USP40: variants seen among roughly 807,000 people sequenced by gnomAD.
The protein encoded by USP40 is ubiquitin carboxyl-terminal hydrolase 40.
In USP40, 143 loss-of-function variants were observed where a neutral mutation model predicts 166.2. The observed-to-expected ratio is 0.86, with a 90% CI of 0.75 to 0.99. The LOEUF is 0.99. Ranked by LOEUF, USP40 falls within the 50% of genes least tolerant of loss-of-function variation. The pLI, the probability that USP40 is intolerant of heterozygous loss-of-function variation, is 0.00. For synonymous variants in USP40, 498 were observed against 524.0 expected (o/e 0.95, Z 0.68); for missense variants, 1,444 against 1,479.7 (o/e 0.98, Z 0.40).
chr2:233,512,024 A>G, intron 19 of USP40: 1 of 390,636 alleles, frequency 2.6e-6, no homozygotes. Context: ...GCTAAATGGA[A>G]GCTATGAAAG....
intron 18 of USP40, 139 bp from the exon 19 acceptor site, chr2:233,512,761 GA>G (rs1355979996): frequency 1.5e-5 from 6 of 391,524 alleles, no homozygotes; most frequent in African/African-American, 1.3e-4. Context: ...TTAATTAGCA[GA>G]AAACTACAGA....
rs369019472 is a variant in USP40 at position 233,521,339 on chromosome 2, C to T, written c.2202-225G>A. 3.9e-5 allele frequency among the ~76,000 whole-genome samples: 6 copies of T among 152,320 alleles called. No homozygotes were observed. In the East Asian group the frequency reaches 1.2e-3, roughly 29 times the overall value. On this transcript the variant is annotated intron_variant, in intron 16 of 31. Transcript: ENST00000678225. ...GATTTACCTACATAATTTGTTGCCA[C>T]ATTTTTCACAGAGAACTTCTGTAAG...
intron 6 of USP40, 96 bp from the exon 7 acceptor site, chr2:233,551,615 AG>A (rs2070572607): frequency 1.7e-6 from 2 of 1,172,716 alleles, no homozygotes; most frequent in Non-Finnish European, 2.3e-6. Context: ...CCTATGACAC[AG>A]TTCTAAGAGA....
At chr2:233,481,450 G>C in intron 30 of USP40, 153 bp from the exon 31 acceptor site, 1 of 698,232 alleles carries the variant, frequency 1.4e-6, no homozygotes, top group Non-Finnish European at 2.3e-6. Flanking sequence ...AAATCCTCTT[G>C]CTCGATGAAA....
intron 20 of USP40, among the ~76,000 whole-genome samples, chr2:233,511,104 A>G (rs2066802166): frequency 6.6e-6 from 1 of 152,176 alleles, no homozygotes; most frequent in Non-Finnish European, 1.5e-5. Flanking sequence ...GGGTATTCAC[A>G]ATAAGAATAT....
intron 22 of USP40, 114 bp downstream of exon 22, chr2:233,499,765 T>C: frequency 1.2e-6 from 1 of 825,956 alleles, no homozygotes; most frequent in Admixed American, 2.8e-5. Context: ...GTAAACTACT[T>C]TTTATTTCTC....
chr2:233,559,501 T>G (rs1029705898), intron 4 of USP40, among the ~76,000 whole-genome samples: 14 of 152,216 alleles, frequency 9.2e-5, no homozygotes, highest in Non-Finnish European at 1.5e-4. Context: ...CTCCATGTAA[T>G]CGGTGTTGTA....
At chr2:233,526,410 A>C (rs949654403) in intron 13 of USP40, among the ~76,000 whole-genome samples, 6 of 152,210 alleles carry the variant, frequency 3.9e-5, no homozygotes, top group African/African-American at 1.2e-4. Flanking sequence ...GAATTGGCTC[A>C]GAAATAAATT....
At chr2:233,488,105 C>A in intron 28 of USP40, 134 bp downstream of exon 28, 1 of 763,076 alleles carries the variant, frequency 1.3e-6, no homozygotes, top group Non-Finnish European at 2.3e-6. Flanking sequence ...TTCTAGCACA[C>A]ACTCTGTTTC....
At chr2:233,485,497 C>T (rs1352436940) in intron 30 of USP40, 34 bp downstream of exon 30, 2 of 1,549,010 alleles carry the variant, frequency 1.3e-6, no homozygotes, top group Non-Finnish European at 1.8e-6. Context: ...CTCGTGTCTT[C>T]TCAAAGTGGT....
At position 233,549,166 on chromosome 2, in the gene USP40, A is replaced by G. The variant is rs1340505379; in HGVS notation, c.901T>C (p.Cys301Arg). The part of the protein sequence containing the change: ...LFSVIIHKGG[C>R]YGGHYHVYIK... ...TATACATGGTAATGGCCTCCGTAGCAGCCACCTTTGTGTATAATAACTGAG... is the reference window on the plus strand; with the variant it reads ...TATACATGGTAATGGCCTCCGTAGCGGCCACCTTTGTGTATAATAACTGAG... Residue 301 changes from cysteine (C) to arginine (R), a missense_variant, in exon 8 of 32, where the codon TGC becomes CGC. Physicochemically the swap from Cys to Arg is radical, Grantham distance 180. Coordinates refer to ENST00000678225, the MANE Select transcript of USP40 (RefSeq NM_001365479.2). The G allele has an allele frequency of 1.3e-6, 2 of 1,585,976 alleles. No individual in the cohort carries two copies. Among genetic ancestry groups the G allele is most frequent in the African/African-American group, 1.3e-5 (1 of 74,382 alleles).
chr2:233,553,343 G>T (rs2125364380), intron 6 of USP40, among the ~76,000 whole-genome samples: 1 of 152,042 alleles, frequency 6.6e-6, no homozygotes, highest in Admixed American at 6.5e-5. Context: ...AGATAAAATG[G>T]GAAAAAAACC....
At chr2:233,551,211 C>A (rs2070522538) in intron 7 of USP40, among the ~76,000 whole-genome samples, 165 bp downstream of exon 7, 2 of 152,128 alleles carry the variant, frequency 1.3e-5, no homozygotes, top group South Asian at 4.1e-4. Context: ...TGCTAAACAC[C>A]CTAATGCATG....
At chr2:233,549,078 T>G in intron 8 of USP40, 23 bp downstream of exon 8, 1 of 1,574,480 alleles carries the variant, frequency 6.4e-7, no homozygotes, top group Non-Finnish European at 8.6e-7. Context: ...CAAAGATATT[T>G]CTAAACGAAT....
At chr2:233,511,639 C>A in intron 20 of USP40, 70 bp downstream of exon 20, 2 of 1,188,328 alleles carry the variant, frequency 1.7e-6, no homozygotes, top group Non-Finnish European at 1.2e-6. Context: ...ACTGGAGTAG[C>A]TAAGGTACTA....
intron 22 of USP40, among the ~76,000 whole-genome samples, chr2:233,499,112 C>T (rs930917285): frequency 1.3e-5 from 2 of 152,056 alleles, no homozygotes; most frequent in Admixed American, 1.3e-4. Flanking sequence ...GTATTAAGCC[C>T]AGAATGTATT....
At chr2:233,533,801 A>C (rs1289450153) in intron 10 of USP40, 22 bp from the exon 11 acceptor site, 1 of 1,495,434 alleles carries the variant, frequency 6.7e-7, no homozygotes. Flanking sequence ...CAAAAAAAAA[A>C]ATGCTAAGTT....
intron 21 of USP40, among the ~76,000 whole-genome samples, chr2:233,503,069 A>G (rs182508718): frequency 6.6e-6 from 1 of 152,226 alleles, no homozygotes; most frequent in African/African-American, 2.4e-5. Context: ...GAGAAATTCA[A>G]AACAATGATC....
intron 18 of USP40, among the ~76,000 whole-genome samples, chr2:233,515,470 A>T (rs2067125700): frequency 6.6e-6 from 1 of 151,972 alleles, no homozygotes; most frequent in Admixed American, 6.5e-5. Context: ...AATGATTCTG[A>T]GCATTTTTTC....
Sources: gnomAD v4.1 joint callset for allele counts (sites outside exome capture counted in the v4.1 genomes callset) on GRCh38, gnomAD v4.1.1 for gene constraint, MANE v1.5 for transcripts, NCBI Gene and HGNC (gene_info 2026-07-23, HGNC 2026-07-21) for gene names.